SLC2A4RG: variants seen among roughly 807,000 people sequenced by gnomAD.
SLC2A4RG encodes GLUT4 enhancer factor.
SLC2A4RG carries 23 observed loss-of-function variants against 35.5 expected under a neutral mutation model. The ratio of observed to expected loss-of-function variants is 0.65; its 90% confidence interval spans 0.47 to 0.92. The LOEUF (loss-of-function observed/expected upper bound fraction) is 0.92, where lower values mean the gene tolerates loss of function less well. SLC2A4RG is among the 40% of genes least tolerant of loss of function. The probability of loss-of-function intolerance (pLI) is 0.00; values close to 1 mark genes in which losing one functional copy is unlikely to be tolerated. For missense variants in SLC2A4RG, 539 were observed against 525.0 expected (o/e 1.03, Z -0.26); for synonymous variants, 306 against 243.7 (o/e 1.26, Z -2.38).
rs2092054153 is a variant in SLC2A4RG, at chr20:63,743,194, C to G, written c.*204C>G. 1.9e-6 allele frequency: 1 copy of G among 529,536 alleles called. No homozygotes were observed. The highest frequency in any genetic ancestry group is 1.9e-5 in the African/African-American group (1 of 52,482). 32.8% of individuals were successfully genotyped at this position (529,536 alleles called of 1,614,324 possible). The stretch of plus-strand genomic sequence containing the variant: ...AGGGGTCCCACCACTCAAAGTGCCT[C>G]TAAAGAAACCAGCTTTTTGCACTAA... On this transcript the variant is annotated 3_prime_UTR_variant, in exon 8 of 8. Coordinates refer to ENST00000266077, the MANE Select transcript of SLC2A4RG (RefSeq NM_020062.4).
In SLC2A4RG at chr20:63,742,482, T is replaced by G; in HGVS notation, c.827T>G (p.Leu276Arg). ...TASMPPAFPR[L>R]ELPELLEPPA... ...TCCATGCCGCCTGCCTTCCCCCGCCTGGAGCTGCCAGAGCTGCTGGAGCCC... is the reference window on the plus strand; with the variant it reads ...TCCATGCCGCCTGCCTTCCCCCGCCGGGAGCTGCCAGAGCTGCTGGAGCCC... The change falls in exon 6 of 8, where the codon CTG becomes CGG. Residue 276 changes from leucine to arginine, a missense_variant. Coordinates refer to ENST00000266077, the MANE Select transcript of SLC2A4RG (RefSeq NM_020062.4). 6.3e-7 allele frequency: 1 copy of G among 1,583,090 alleles called. No homozygotes were observed. Among genetic ancestry groups the G allele is most frequent in the Non-Finnish European group, 8.6e-7 (1 of 1,165,390 alleles).
At position 63,742,999 on chromosome 20, in the gene SLC2A4RG, C is replaced by G. The variant is rs768750283; in HGVS notation, c.*9C>G. 2 of 1,598,494 alleles carry G rather than the reference C, an allele frequency of 1.3e-6. No individual in the cohort carries two copies. Among genetic ancestry groups the G allele is most frequent in the South Asian group, 2.2e-5 (2 of 89,534 alleles). ...AGCGGTTCCTGGACTAAGTCCGGCTCGTTCAAGAACATAAGCTACCACCTT... is the reference window on the plus strand; with the variant it reads ...AGCGGTTCCTGGACTAAGTCCGGCTGGTTCAAGAACATAAGCTACCACCTT... On this transcript the variant is annotated 3_prime_UTR_variant, in exon 8 of 8. Coordinates refer to ENST00000266077, the MANE Select transcript of SLC2A4RG (RefSeq NM_020062.4).
At chr20:63,740,134 C>A in intron 1 of SLC2A4RG, 96 bp downstream of exon 1, 1 of 618,088 alleles carries the variant, frequency 1.6e-6, no homozygotes, top group South Asian at 7.0e-5. Flanking sequence ...GGGGGCGGGG[C>A]AGCGGGGAGG....
chr20:63,740,028 C>T lies in SLC2A4RG; in HGVS notation c.116C>T (p.Thr39Met), dbSNP rs1200532060. 4 of 980,926 alleles carry T rather than the reference C, an allele frequency of 4.1e-6. No homozygotes were observed. The highest frequency in any genetic ancestry group is 3.6e-6 in the Non-Finnish European group (3 of 828,086). 60.8% of individuals were successfully genotyped at this position (980,926 alleles called of 1,614,324 possible). A position where few individuals can be genotyped will look rare whatever the true frequency, so the allele number is the denominator to read the frequency against. The change falls in exon 1 of 8, where the codon ACG (threonine) becomes ATG (methionine). Residue 39 changes from threonine (T) to methionine (M), a missense_variant. Transcript: ENST00000266077. ...GPRAAPVTVP[T>M]PPQGSSVGGG... ...CGCGCCGCGCCCGTGACGGTGCCCACGCCGCCGCAGGTACCGGGCGCCGGT... is the reference window on the plus strand; with the variant it reads ...CGCGCCGCGCCCGTGACGGTGCCCATGCCGCCGCAGGTACCGGGCGCCGGT...
rs771856072 is a variant in SLC2A4RG, at chr20:63,742,372, G to A, written c.717G>A (p.Glu239=). 4.2e-5 allele frequency: 67 copies of A among 1,610,668 alleles called. 1 individual carries two copies. Among genetic ancestry groups the A allele is most frequent in the Non-Finnish European group, 5.5e-5 (65 of 1,178,660 alleles). The change falls in exon 6 of 8, where the codon GAG becomes GAA. Residue 239 remains glutamate (E), a synonymous_variant. Coordinates refer to ENST00000266077, the MANE Select transcript of SLC2A4RG (RefSeq NM_020062.4). The stretch of plus-strand genomic sequence containing the variant: ...AGCCTGAGCAGAGTGATGGTGAGGA[G>A]GACTTCTACTACACAGAGCTGGATG... ...QAEPEQSDGE[E]DFYYTELDVG...
chr20:63,740,106 C>A (rs543908823), intron 1 of SLC2A4RG, 68 bp downstream of exon 1: 2 of 822,032 alleles, frequency 2.4e-6, no homozygotes, highest in Non-Finnish European at 2.9e-6. Flanking sequence ...GTCAGTGCTG[C>A]CCAAACTTCG....
In SLC2A4RG at chr20:63,740,516, C is replaced by T. The variant is rs1190989576; in HGVS notation, c.266C>T (p.Pro89Leu). Reference protein sequence around the residue: ...AGPRTPSAHIPVPAQRATPGK... With the variant: ...AGPRTPSAHILVPAQRATPGK... ...CCCCGGACTCCGTCGGCGCACATCC[C>T]CGTCCCAGCGCAGAGGTGAGCGGGA... The change falls in exon 2 of 8, where the codon CCC becomes CTC. Residue 89 changes from proline to leucine, a missense_variant. By Grantham distance (98) the Pro-to-Leu change is moderately conservative. Coordinates refer to ENST00000266077, the MANE Select transcript of SLC2A4RG (RefSeq NM_020062.4). 2.4e-6 allele frequency: 3 copies of T among 1,229,456 alleles called. No homozygotes were observed. Among genetic ancestry groups the T allele is most frequent in the Admixed American group, 4.2e-5 (1 of 23,606 alleles). The allele number at this position is 1,229,456 out of a possible 1,614,324, so 76.2% of individuals were successfully genotyped here. A position where few individuals can be genotyped will look rare whatever the true frequency, so the allele number is the denominator to read the frequency against.
chr20:63,742,876 C>T lies in SLC2A4RG; in HGVS notation c.1053-3C>T, dbSNP rs1346308740. On this transcript the variant is annotated splice_polypyrimidine_tract_variant and splice_region_variant and intron_variant, in intron 7 of 7. Transcript: ENST00000266077. ...ACCCCATGTCCTGTGACCCCCCGCACAGGAAGCCCCGCGGCGACGCGAAGA... is the reference window on the plus strand; with the variant it reads ...ACCCCATGTCCTGTGACCCCCCGCATAGGAAGCCCCGCGGCGACGCGAAGA... 1 of 1,610,452 alleles carries T rather than the reference C, an allele frequency of 6.2e-7. No individual in the cohort carries two copies. Among genetic ancestry groups the T allele is most frequent in the South Asian group, 1.1e-5 (1 of 90,736 alleles).
chr20:63,742,534 G>A lies in SLC2A4RG; in HGVS notation c.879G>A (p.Pro293=), dbSNP rs374059568. The A allele has an allele frequency of 3.6e-4, 564 of 1,559,492 alleles. 1 individual carries two copies. The highest frequency in any genetic ancestry group is 4.1e-4 in the Non-Finnish European group (475 of 1,151,720). The stretch of plus-strand genomic sequence containing the variant: ...CAGCCCTGCCTAGTCCCCTGCGGCC[G>A]CCTGCCCCGCCCCTGCCCCCGCCCC... ...EPPALPSPLR[P]PAPPLPPPPV... The change falls in exon 6 of 8, where the codon CCG becomes CCA. Residue 293 remains proline, a synonymous_variant. Coordinates refer to ENST00000266077, the MANE Select transcript of SLC2A4RG (RefSeq NM_020062.4).
chr20:63,739,793 G>A lies in SLC2A4RG; in HGVS notation c.-120G>A. The A allele has an allele frequency of 2.1e-6, 2 of 958,492 alleles. No individual in the cohort carries two copies. Among genetic ancestry groups the A allele is most frequent in the South Asian group, 4.8e-5 (1 of 20,840 alleles). 59.4% of individuals were successfully genotyped at this position (958,492 alleles called of 1,614,324 possible). A position where few individuals can be genotyped will look rare whatever the true frequency, so the allele number is the denominator to read the frequency against. On this transcript the variant is annotated 5_prime_UTR_variant, in exon 1 of 8. Transcript: ENST00000266077. Reference sequence around the variant, plus strand: ...GGCCGGGCAGCCTCCGGGCGGCGCGGCGCGGGCGGCGGCCGGATCCAGGGC... The same window carrying A: ...GGCCGGGCAGCCTCCGGGCGGCGCGACGCGGGCGGCGGCCGGATCCAGGGC...
chr20:63,741,857 G>A lies in SLC2A4RG; in HGVS notation c.392-12G>A, dbSNP rs772231213. The A allele has an allele frequency of 7.6e-6, 12 of 1,575,538 alleles. No homozygotes were observed. The highest frequency in any genetic ancestry group is 2.4e-5 in the East Asian group (1 of 42,392). ...CCCGAAGTTCTAAGGCGGGGGGCCC[G>A]TGTCCCCACAGAGCCTGGCCTGGAG... is the stretch of plus-strand genomic sequence containing the variant. On this transcript the variant is annotated splice_polypyrimidine_tract_variant and intron_variant, in intron 3 of 7. Transcript: ENST00000266077.
At chr20:63,741,550 C>T (rs1402846109) in intron 3 of SLC2A4RG, 71 bp downstream of exon 3, 3 of 1,395,486 alleles carry the variant, frequency 2.1e-6, no homozygotes, top group Non-Finnish European at 3.0e-6. Flanking sequence ...CACCCAGCCT[C>T]TGTGGGGCAA....
chr20:63,739,905 G>A lies in SLC2A4RG; in HGVS notation c.-8G>A. 1 of 978,710 alleles carries A rather than the reference G, an allele frequency of 1.0e-6. No homozygotes were observed. Among genetic ancestry groups the A allele is most frequent in the Non-Finnish European group, 1.2e-6 (1 of 827,696 alleles). The allele number at this position is 978,710 out of a possible 1,614,324, so 60.6% of individuals were successfully genotyped here. A position where few individuals can be genotyped will look rare whatever the true frequency, so the allele number is the denominator to read the frequency against. On this transcript the variant is annotated 5_prime_UTR_variant, in exon 1 of 8. Coordinates refer to ENST00000266077, the MANE Select transcript of SLC2A4RG (RefSeq NM_020062.4). ...GCCGCTGCAGCCTCGGCGCCCGGCC[G>A]GCCGGCCATGGAGCGCCCCCCGCCC...
In SLC2A4RG at chr20:63,742,042, C is replaced by G. The variant is rs754968808; in HGVS notation, c.565C>G (p.Leu189Val). Residue 189 changes from leucine to valine, a missense_variant, in exon 4 of 8, where the codon CTG (leucine) becomes GTG (valine). Transcript: ENST00000266077. ...CCACTTTCTGTTTGGGGAGCCCACC[C>G]TGAGAAAAAGGAAGGTGAGCTTGGG... is the stretch of plus-strand genomic sequence containing the variant. The part of the protein sequence containing the change: ...AAHFLFGEPT[L>V]RKRKSPAQVM... 2 of 1,611,914 alleles carry G rather than the reference C, an allele frequency of 1.2e-6. No individual in the cohort carries two copies. Among genetic ancestry groups the G allele is most frequent in the Non-Finnish European group, 1.7e-6 (2 of 1,178,898 alleles).
chr20:63,742,051 A>C lies in SLC2A4RG; in HGVS notation c.574A>C (p.Arg192=). Residue 192 remains arginine (R), a synonymous_variant, in exon 4 of 8, where the codon AGG becomes CGG. Transcript: ENST00000266077. ...GTTTGGGGAGCCCACCCTGAGAAAA[A>C]GGAAGGTGAGCTTGGGGGCGGCCCC... ...FLFGEPTLRK[R]KSPAQVMFQC... is the part of the protein sequence containing the mutation. The C allele has an allele frequency of 2.5e-6, 4 of 1,611,294 alleles. No individual in the cohort carries two copies. In the Admixed American group the frequency reaches 6.7e-5, roughly 27 times the overall value.
rs1568813741 is a variant in SLC2A4RG at position 63,742,531 on chromosome 20, G to GCCGCCTGCCCCGCCCCTGCCC, written c.882_902dup (p.Ala295_Pro301dup). Reference sequence around the variant, plus strand: ...CCCCAGCCCTGCCTAGTCCCCTGCGGCCGCCTGCCCCGCCCCTGCCCCCGC... The same window carrying GCCGCCTGCCCCGCCCCTGCCC: ...CCCCAGCCCTGCCTAGTCCCCTGCGGCCGCCTGCCCCGCCCCTGCCCCCGCCTGCCCCGCCCCTGCCCCCGC... On this transcript the variant is annotated inframe_insertion, in exon 6 of 8. Coordinates refer to ENST00000266077, the MANE Select transcript of SLC2A4RG (RefSeq NM_020062.4). The GCCGCCTGCCCCGCCCCTGCCC allele has an allele frequency of 1.3e-6, 2 of 1,561,602 alleles. No homozygotes were observed. The highest frequency in any genetic ancestry group is 4.7e-5 in the East Asian group (2 of 42,336).
chr20:63,742,612 C>T lies in SLC2A4RG; in HGVS notation c.957C>T (p.Tyr319=). 5.1e-6 allele frequency: 8 copies of T among 1,576,396 alleles called. No individual in the cohort carries two copies. Among genetic ancestry groups the T allele is most frequent in the Non-Finnish European group, 6.9e-6 (8 of 1,156,426 alleles). The part of the protein sequence containing the change: ...NPQSCHSDRV[Y]QGCLTPARLE... The stretch of plus-strand genomic sequence containing the variant: ...AGTCCTGTCACAGTGACCGTGTCTA[C>T]CAGGTGGGTGAGGCCACGGGTGGCA... Residue 319 remains tyrosine, a synonymous_variant, in exon 6 of 8, where the codon TAC becomes TAT. Transcript: ENST00000266077.
chr20:63,740,569 G>C, intron 2 of SLC2A4RG, 38 bp downstream of exon 2: 1 of 1,227,714 alleles, frequency 8.1e-7, no homozygotes, highest in Non-Finnish European at 1.0e-6. Context: ...CTCGGTGTGC[G>C]CAGGGGCGGT....
Position 63,743,055 on chromosome 20 carries a change from TG to T in SLC2A4RG, c.*66del. 1 of 1,181,698 alleles carries T rather than the reference TG, an allele frequency of 8.5e-7. No individual in the cohort carries two copies. The highest frequency in any genetic ancestry group is 2.8e-5 in the East Asian group (1 of 35,838). 73.2% of individuals were successfully genotyped at this position (1,181,698 alleles called of 1,614,324 possible). Reference sequence around the variant, plus strand: ...TCCCCACCCCCTCCAGGCCCGGGGCTGAAACAGCCCGAGGACAGCCCCAGGG... The same window carrying T: ...TCCCCACCCCCTCCAGGCCCGGGGCTAAACAGCCCGAGGACAGCCCCAGGG... On this transcript the variant is annotated 3_prime_UTR_variant, in exon 8 of 8. Coordinates refer to ENST00000266077, the MANE Select transcript of SLC2A4RG (RefSeq NM_020062.4).
Sources: allele counts gnomAD v4.1 joint callset, GRCh38; gene constraint gnomAD v4.1.1; transcripts MANE v1.5; gene names NCBI Gene and HGNC (gene_info 2026-07-23, HGNC 2026-07-21).